FNTB: variants seen among roughly 807,000 people sequenced by gnomAD.
FNTB encodes the protein farnesyltransferase, CAAX box, subunit beta.
FNTB carries 27 observed loss-of-function variants against 59.4 expected under a neutral mutation model. The ratio of observed to expected loss-of-function variants is 0.45; its 90% CI spans 0.34 to 0.63. The LOEUF (loss-of-function observed/expected upper bound fraction) is 0.63. Ranked by LOEUF, FNTB falls within the 20% of genes least tolerant of loss-of-function variation. The pLI, the probability that FNTB is intolerant of heterozygous loss-of-function variation, is 0.02. For missense variants in FNTB, 449 were observed against 559.6 expected (o/e 0.80, Z 1.99); for synonymous variants, 230 against 220.7 (o/e 1.04, Z -0.37).
chr14:65,002,128 G>A (rs1466990482), intron 1 of FNTB, among the ~76,000 whole-genome samples: 4 of 152,090 alleles, frequency 2.6e-5, no homozygotes, highest in African/African-American at 9.7e-5. Flanking sequence ...TTCCCAGGGA[G>A]ATTTTTATGT....
chr14:65,015,410 C>CT (rs888923691), intron 3 of FNTB: 2,976 of 155,388 alleles, frequency 0.019, 25 homozygotes, highest in African/African-American at 0.035. Flanking sequence ...GCCTTGTTAT[C>CT]TTTTTTTTTT....
intron 11 of FNTB, among the ~76,000 whole-genome samples, chr14:65,057,732 G>A (rs2062769437): frequency 6.6e-6 from 1 of 152,192 alleles, no homozygotes; most frequent in South Asian, 2.1e-4. Flanking sequence ...TGGTTTCTGT[G>A]TATGGTGAGG....
chr14:65,054,473 G>GC lies in FNTB; in HGVS notation c.1068-102_1068-101insC, dbSNP rs1430481670. On this transcript the variant is annotated intron_variant, in intron 10 of 11. Transcript: ENST00000246166. This position sits in a 1 kb window ranked among gnomAD's most constrained non-coding sequence, Gnocchi z 4.4. ...TCCTCTAGCCACATGGAGGATGGGG[G>GC]GGGACGTGTGATTGCACCAGTGGTC... The GC allele has an allele frequency of 8.5e-7, 1 of 1,175,866 alleles. No homozygotes were observed. Among genetic ancestry groups the GC allele is most frequent in the Non-Finnish European group, 1.2e-6 (1 of 825,420 alleles). The allele number at this position is 1,175,866 out of a possible 1,614,324, so 72.8% of individuals were successfully genotyped here. A position where few individuals can be genotyped will look rare whatever the true frequency, so the allele number is the denominator to read the frequency against.
At chr14:65,008,630 C>G (rs575368846) in intron 2 of FNTB, among the ~76,000 whole-genome samples, 7 of 152,312 alleles carry the variant, frequency 4.6e-5, no homozygotes, top group African/African-American at 1.7e-4. Flanking sequence ...GGGTGGCTAA[C>G]TTAAAGGATG....
chr14:65,028,813 G>GT lies in FNTB; in HGVS notation c.605+1039dup, dbSNP rs1243637195. Among the ~76,000 whole-genome samples the GT allele has an allele frequency of 6.6e-6, 1 of 152,128 alleles. No individual in the cohort carries two copies. Among genetic ancestry groups the GT allele is most frequent in the African/African-American group, 2.4e-5 (1 of 41,422 alleles). The stretch of plus-strand genomic sequence containing the variant: ...TCTTCTTAAGGAAAATGTTAAAAGA[G>GT]TTTTTTTCCCTCGTGTTCACTACAT... On this transcript the variant is annotated intron_variant, in intron 6 of 11. Coordinates refer to ENST00000246166, the MANE Select transcript of FNTB (RefSeq NM_002028.4). The surrounding 1 kb of genome is among the most constrained non-coding windows in gnomAD (Gnocchi z 4.4).
chr14:65,016,686 C>G (rs1468976795), intron 4 of FNTB, among the ~76,000 whole-genome samples: 1 of 152,208 alleles, frequency 6.6e-6, no homozygotes, highest in Admixed American at 6.5e-5. Context: ...ACAATAACCT[C>G]TCATTCTTGC....
intron 7 of FNTB, 146 bp from the exon 8 acceptor site, chr14:65,040,644 T>G (rs2139625833): frequency 2.4e-6 from 2 of 838,930 alleles, no homozygotes; most frequent in African/African-American, 2.1e-5. Context: ...TTTCCAAAAG[T>G]TAATTAGTTG....
rs1325665785 is a variant in FNTB at position 65,001,313 on chromosome 14, T to C, written c.145-2936T>C. Among the ~76,000 whole-genome samples, 2 of 152,234 alleles carry C rather than the reference T, an allele frequency of 1.3e-5. No homozygotes were observed. Among genetic ancestry groups the C allele is most frequent in the African/African-American group, 4.8e-5 (2 of 41,454 alleles). On this transcript the variant is annotated intron_variant, in intron 1 of 11. Transcript: ENST00000246166. This position sits in a 1 kb window ranked among gnomAD's most constrained non-coding sequence, Gnocchi z 5.5. ...TTCTGTGTTTAGATACTTTTAGATA[T>C]ACAAAGGCTTACTATTGTGTTACAT...
intron 1 of FNTB, among the ~76,000 whole-genome samples, chr14:64,993,584 A>G (rs1046405034): frequency 6.6e-6 from 1 of 152,206 alleles, no homozygotes; most frequent in African/African-American, 2.4e-5. Context: ...CTTATATTTC[A>G]TATATTAAAT....
rs1188545756 is a variant in FNTB, at chr14:65,038,327, T to G, written c.693-2463T>G. Reference sequence around the variant, plus strand: ...CGGGAGGCTGAGGCAGGAGAATTGCTTGAACCCAGGAGGCAGAGGTTGCAG... The same window carrying G: ...CGGGAGGCTGAGGCAGGAGAATTGCGTGAACCCAGGAGGCAGAGGTTGCAG... On this transcript the variant is annotated intron_variant, in intron 7 of 11. Transcript: ENST00000246166. Among the ~76,000 whole-genome samples, 3 of 151,966 alleles carry G rather than the reference T, an allele frequency of 2.0e-5. No individual in the cohort carries two copies. The East Asian group carries it at 5.9e-4, about 30-fold the overall frequency.
chr14:65,043,641 T>C (rs147021938), intron 8 of FNTB, among the ~76,000 whole-genome samples: 7,332 of 150,900 alleles, frequency 0.049, 590 homozygotes, highest in African/African-American at 0.17. Context: ...GCTAACAAGG[T>C]GAAACCCCGT....
chr14:65,016,594 C>T (rs950573706), intron 4 of FNTB: 2 of 152,264 alleles, frequency 1.3e-5, no homozygotes, highest in Non-Finnish European at 2.9e-5. Flanking sequence ...CGGGGCCCCT[C>T]TCTGGTCACA....
At chr14:65,052,989 G>A (rs953411754) in intron 9 of FNTB, among the ~76,000 whole-genome samples, 27 of 152,190 alleles carry the variant, frequency 1.8e-4, no homozygotes, top group African/African-American at 6.3e-4. Context: ...CACCATCCAC[G>A]TTAACAGGGT....
Position 65,033,000 on chromosome 14 carries a change from C to T in FNTB, c.692+304C>T, listed in dbSNP as rs117276357. Among the ~76,000 whole-genome samples, 4,724 of 152,244 alleles carry T rather than the reference C, an allele frequency of 0.031. 86 individuals carry two copies. Among genetic ancestry groups the T allele is most frequent in the Middle Eastern group, 0.088 (26 of 294 alleles). ...TGACAGTATGTCAAAGGTGCCCTTGCGTAGGACCCAGTAATTCCACTCCCA... is the reference window on the plus strand; with the variant it reads ...TGACAGTATGTCAAAGGTGCCCTTGTGTAGGACCCAGTAATTCCACTCCCA... On this transcript the variant is annotated intron_variant, in intron 7 of 11. Coordinates refer to ENST00000246166, the MANE Select transcript of FNTB (RefSeq NM_002028.4). The surrounding 1 kb of genome is among the most constrained non-coding windows in gnomAD (Gnocchi z 5.0).
chr14:65,042,132 CT>C (rs368977703), intron 8 of FNTB, among the ~76,000 whole-genome samples: 65 of 151,948 alleles, frequency 4.3e-4, no homozygotes, highest in Non-Finnish European at 7.9e-4. Flanking sequence ...CAGTAATAAT[CT>C]TTTTGGCACA....
intron 7 of FNTB, among the ~76,000 whole-genome samples, chr14:65,033,045 G>A (rs545799723): frequency 2.6e-5 from 4 of 152,258 alleles, no homozygotes; most frequent in African/African-American, 4.8e-5. Flanking sequence ...TTGCACACAC[G>A]AATGGGAGAG....
chr14:65,044,336 G>A lies in FNTB; in HGVS notation c.848G>A (p.Arg283Gln), dbSNP rs2062428182. The A allele has an allele frequency of 6.8e-6, 11 of 1,613,426 alleles. No individual in the cohort carries two copies. Among genetic ancestry groups the A allele is most frequent in the South Asian group, 1.1e-5 (1 of 90,872 alleles). The change falls in exon 9 of 12, where the codon CGA becomes CAA. Residue 283 changes from arginine (R) to glutamine (Q), a missense_variant. Transcript: ENST00000246166. This position sits in a 1 kb window ranked among gnomAD's most constrained non-coding sequence, Gnocchi z 5.5. Reference sequence around the variant, plus strand: ...CAATGGGTGACAAGCCGGCAGATGCGATTTGAAGGAGGATTTCAGGGCCGC... The same window carrying A: ...CAATGGGTGACAAGCCGGCAGATGCAATTTGAAGGAGGATTTCAGGGCCGC... ...LLQWVTSRQM[R>Q]FEGGFQGRCN...
chr14:65,038,076 A>C (rs1161453992), intron 7 of FNTB, among the ~76,000 whole-genome samples: 2 of 152,098 alleles, frequency 1.3e-5, no homozygotes, highest in African/African-American at 4.8e-5. Flanking sequence ...GCCTTTTAAA[A>C]ATATGACATC....
chr14:65,036,655 T>C (rs1023545714), intron 7 of FNTB, among the ~76,000 whole-genome samples: 10 of 152,256 alleles, frequency 6.6e-5, no homozygotes, highest in Non-Finnish European at 1.5e-4. Context: ...CTGTCTCTCT[T>C]TTTCTATCCC....
Sources: gnomAD v4.1 joint callset for allele counts (sites outside exome capture counted in the v4.1 genomes callset) on GRCh38, gnomAD v4.1.1 for gene constraint, Gnocchi (gnomAD v3.1) non-coding constraint, MANE v1.5 for transcripts, NCBI Gene and HGNC (gene_info 2026-07-23, HGNC 2026-07-21) for gene names.